The following KSR2 variants were observed in gnomAD, a reference collection of about 807,000 sequenced individuals.
The protein encoded by KSR2 is kinase suppressor of ras 2.
A neutral mutation model predicts 107.8 loss-of-function variants in KSR2; 25 were observed. The ratio of observed to expected loss-of-function variants is 0.23; its 90% CI spans 0.17 to 0.32. The LOEUF (loss-of-function observed/expected upper bound fraction) is 0.32, where lower values mean the gene tolerates loss of function less well. Among genes scored for constraint, KSR2 ranks in the 10% least tolerant of loss-of-function variants. KSR2 has a pLI of 1.00. For missense variants in KSR2, 887 were observed against 1,268.9 expected (o/e 0.70, Z 4.57); for synonymous variants, 480 against 507.0 (o/e 0.95, Z 0.71).
At chr12:117,725,237 A>C (rs925929381) in intron 4 of KSR2, among the ~76,000 whole-genome samples, 14 of 152,276 alleles carry the variant, frequency 9.2e-5, no homozygotes, top group African/African-American at 3.1e-4. Context: ...AAAGAGGGGA[A>C]GTTGAAAGAG....
At chr12:117,702,973 A>G (rs572105533) in intron 4 of KSR2, among the ~76,000 whole-genome samples, 1 of 152,332 alleles carries the variant, frequency 6.6e-6, no homozygotes, top group South Asian at 2.1e-4. Flanking sequence ...AAGGGGGAAA[A>G]TAGTGAGGAA....
At chr12:117,606,098 C>A (rs1881213276) in intron 5 of KSR2, among the ~76,000 whole-genome samples, 1 of 152,104 alleles carries the variant, frequency 6.6e-6, no homozygotes, top group South Asian at 2.1e-4. Flanking sequence ...TAGATGCTTG[C>A]AGAGTGCTTA....
intron 5 of KSR2, 84 bp from the exon 6 acceptor site, chr12:117,582,443 C>CCCCCCTT: frequency 1.0e-6 from 1 of 982,712 alleles, no homozygotes; most frequent in Non-Finnish European, 1.6e-6. Context: ...AAAAGGGGGG[C>CCCCCCTT]TCGTCACCCT....
intron 4 of KSR2, among the ~76,000 whole-genome samples, chr12:117,682,070 G>A (rs752619724): frequency 4.6e-5 from 7 of 152,086 alleles, no homozygotes; most frequent in Non-Finnish European, 8.8e-5. Flanking sequence ...CATATACAAC[G>A]TGGAATACCA....
At chr12:117,949,825 A>G (rs11068757) in intron 1 of KSR2, among the ~76,000 whole-genome samples, 57,583 of 151,958 alleles carry the variant, frequency 0.38, 11,189 homozygotes, top group African/African-American at 0.43. Flanking sequence ...ACAGTGGTGT[A>G]TACATTTGCC....
At chr12:117,847,858 C>T (rs1251396929) in intron 3 of KSR2, among the ~76,000 whole-genome samples, 2 of 152,030 alleles carry the variant, frequency 1.3e-5, no homozygotes, top group African/African-American at 4.8e-5. Context: ...CCCTCCTCTT[C>T]AGGTCTCAGT....
intron 14 of KSR2, among the ~76,000 whole-genome samples, chr12:117,520,689 G>T (rs1004722414): frequency 1.3e-5 from 2 of 152,058 alleles, no homozygotes; most frequent in African/African-American, 4.8e-5. Context: ...CTTTATTTTT[G>T]AGGCTTCCTC....
chr12:117,659,641 T>C (rs1181878302), intron 5 of KSR2, among the ~76,000 whole-genome samples: 3 of 152,292 alleles, frequency 2.0e-5, no homozygotes, highest in South Asian at 2.1e-4. Flanking sequence ...GCCCCAGCTC[T>C]ATAGCCCTGG....
At chr12:117,852,116 A>C (rs1052678674) in intron 3 of KSR2, among the ~76,000 whole-genome samples, 1 of 151,976 alleles carries the variant, frequency 6.6e-6, no homozygotes, top group Non-Finnish European at 1.5e-5. Context: ...GGATCAAAAA[A>C]ATTTTTAAAA....
intron 3 of KSR2, among the ~76,000 whole-genome samples, chr12:117,762,863 A>C (rs1234904987): frequency 6.6e-6 from 1 of 151,342 alleles, no homozygotes; most frequent in Non-Finnish European, 1.5e-5. Flanking sequence ...AGTGAAACTC[A>C]GTCTCAAAAA....
At chr12:117,809,893 G>A (rs2137046180) in intron 3 of KSR2, among the ~76,000 whole-genome samples, 2 of 152,366 alleles carry the variant, frequency 1.3e-5, no homozygotes, top group Middle Eastern at 3.4e-3. Flanking sequence ...GGGATGGACA[G>A]TATAATTTGA....
intron 4 of KSR2, among the ~76,000 whole-genome samples, chr12:117,668,612 G>A (rs1303212242): frequency 2.6e-5 from 4 of 152,150 alleles, no homozygotes; most frequent in East Asian, 1.9e-4. Flanking sequence ...CACCACCCCC[G>A]GGTGAGTCCA....
At position 117,490,306 on chromosome 12, in the gene KSR2, C is replaced by G. The variant is rs184760683; in HGVS notation, c.2220-4615G>C. ...CATTCACTACTTGCTGGGTGACCTTCAGAAATGACTTCAACCTCAGTTTCC... is the reference window on the plus strand; with the variant it reads ...CATTCACTACTTGCTGGGTGACCTTGAGAAATGACTTCAACCTCAGTTTCC... On this transcript the variant is annotated intron_variant, in intron 14 of 19. Coordinates refer to ENST00000339824, the MANE Select transcript of KSR2 (RefSeq NM_173598.6). 3.9e-3 allele frequency among the ~76,000 whole-genome samples: 600 copies of G among 152,344 alleles called. 1 individual carries two copies. The highest frequency in any genetic ancestry group is 4.8e-3 in the Non-Finnish European group (329 of 68,034).
At chr12:117,932,416 C>A (rs761256067) in intron 1 of KSR2, among the ~76,000 whole-genome samples, 2 of 151,918 alleles carry the variant, frequency 1.3e-5, no homozygotes, top group Non-Finnish European at 2.9e-5. Flanking sequence ...CATAACACTA[C>A]AGTCAAAAAT....
At chr12:117,553,119 A>G (rs1877426810) in intron 9 of KSR2, among the ~76,000 whole-genome samples, 2 of 152,268 alleles carry the variant, frequency 1.3e-5, no homozygotes, top group African/African-American at 4.8e-5. Context: ...TTACTTGCTC[A>G]GTCTCACAGC....
chr12:117,911,157 TTCTC>T (rs113047651), intron 1 of KSR2, among the ~76,000 whole-genome samples: 10 of 144,262 alleles, frequency 6.9e-5, no homozygotes. Context: ...CACACATTCT[TTCTC>T]TCTCTCTCTC....
chr12:117,575,125 T>G (rs922025467), intron 7 of KSR2, among the ~76,000 whole-genome samples: 2 of 152,190 alleles, frequency 1.3e-5, no homozygotes, highest in African/African-American at 4.8e-5. Context: ...TCATATGACC[T>G]AATTTACTAA....
chr12:117,675,658 T>A (rs1178807125), intron 4 of KSR2, among the ~76,000 whole-genome samples: 1 of 152,132 alleles, frequency 6.6e-6, no homozygotes, highest in African/African-American at 2.4e-5. Context: ...TGTGCTGGGG[T>A]CTGAGTGAAA....
intron 1 of KSR2, among the ~76,000 whole-genome samples, chr12:117,889,144 C>G (rs908517272): frequency 1.3e-5 from 2 of 152,158 alleles, no homozygotes; most frequent in African/African-American, 4.8e-5. Flanking sequence ...ACCCAGGTCA[C>G]CTAACTCCAA....
Sources: allele counts gnomAD v4.1 joint callset (sites outside exome capture counted in the v4.1 genomes callset), GRCh38; gene constraint gnomAD v4.1.1; transcripts MANE v1.5; gene names NCBI Gene and HGNC (gene_info 2026-07-23, HGNC 2026-07-21).